The following PARD3B variants were observed in gnomAD, a reference collection of about 807,000 sequenced individuals.
The protein encoded by PARD3B is par-3 family cell polarity regulator beta, also known as partitioning defective 3 homolog B.
PARD3B carries 103 observed loss-of-function variants against 130.2 expected under a neutral mutation model. That is an observed-to-expected ratio of 0.79 (90% CI 0.67 to 0.93). The LOEUF (loss-of-function observed/expected upper bound fraction) is 0.93, where lower values mean the gene tolerates loss of function less well. PARD3B is among the 40% of genes least tolerant of loss of function. The pLI is 0.00. For missense variants in PARD3B, 1,609 were observed against 1,499.2 expected (o/e 1.07, Z -1.21); for synonymous variants, 583 against 553.2 (o/e 1.05, Z -0.76).
At chr2:205,081,926 T>C (rs1306558041) in intron 4 of PARD3B, among the ~76,000 whole-genome samples, 1 of 152,176 alleles carries the variant, frequency 6.6e-6, no homozygotes, top group Non-Finnish European at 1.5e-5. Context: ...CTCTTCTTTA[T>C]TATTTCTGAA....
At chr2:204,831,081 TA>T (rs1340607961) in intron 2 of PARD3B, among the ~76,000 whole-genome samples, 1 of 152,216 alleles carries the variant, frequency 6.6e-6, no homozygotes, top group Non-Finnish European at 1.5e-5. Context: ...CCTATAAAAG[TA>T]ACTAAATTCT....
At chr2:204,774,783 C>T (rs1243108148) in intron 2 of PARD3B, among the ~76,000 whole-genome samples, 1 of 152,082 alleles carries the variant, frequency 6.6e-6, no homozygotes, top group African/African-American at 2.4e-5. Context: ...TAAGAAGTTA[C>T]CCATAGCCGG....
intron 18 of PARD3B, among the ~76,000 whole-genome samples, chr2:205,332,202 C>G (rs1286287036): frequency 6.6e-6 from 1 of 152,152 alleles, no homozygotes; most frequent in East Asian, 1.9e-4. Flanking sequence ...CTTTGCTTGC[C>G]TTTTTAGCTA....
intron 1 of PARD3B, among the ~76,000 whole-genome samples, chr2:204,576,522 G>A (rs2032268666): frequency 6.6e-6 from 1 of 152,108 alleles, no homozygotes; most frequent in Non-Finnish European, 1.5e-5. Context: ...ATGCATGTGT[G>A]TGTGCTCTTT....
At chr2:205,343,177 TG>T (rs1163218072) in intron 18 of PARD3B, among the ~76,000 whole-genome samples, 1 of 152,206 alleles carries the variant, frequency 6.6e-6, no homozygotes, top group African/African-American at 2.4e-5. Context: ...AATGCCCAAG[TG>T]ACTAAGTGGA....
intron 2 of PARD3B, among the ~76,000 whole-genome samples, chr2:204,926,289 T>G (rs1687610335): frequency 6.6e-6 from 1 of 152,136 alleles, no homozygotes; most frequent in Non-Finnish European, 1.5e-5. Context: ...CTCTGTTATC[T>G]CTTGATCTTG....
At chr2:204,779,138 C>G (rs2041745992) in intron 2 of PARD3B, among the ~76,000 whole-genome samples, 1 of 152,128 alleles carries the variant, frequency 6.6e-6, no homozygotes, top group African/African-American at 2.4e-5. Context: ...CTTCTCCTCC[C>G]CCTCAGGTTT....
At position 205,077,098 on chromosome 2, in the gene PARD3B, C is replaced by T. The variant is rs1246445289; in HGVS notation, c.505-27328C>T. 4.6e-5 allele frequency among the ~76,000 whole-genome samples: 7 copies of T among 152,090 alleles called. No individual in the cohort carries two copies. In the East Asian group the frequency reaches 1.2e-3, roughly 25 times the overall value. On this transcript the variant is annotated intron_variant, in intron 4 of 22. Coordinates refer to ENST00000406610, the MANE Select transcript of PARD3B (RefSeq NM_001302769.2). ...AATCACACATCGTTTGCTTCATTAT[C>T]TTTGTCTATATATAGATATAAACAA...
intron 8 of PARD3B, among the ~76,000 whole-genome samples, chr2:205,124,093 A>G (rs1014066705): frequency 6.6e-6 from 1 of 152,238 alleles, no homozygotes; most frequent in East Asian, 1.9e-4. Flanking sequence ...TGAATAAGCC[A>G]AAGTGTTACA....
At chr2:205,114,932 G>C (rs1703922753) in intron 6 of PARD3B, among the ~76,000 whole-genome samples, 1 of 152,094 alleles carries the variant, frequency 6.6e-6, no homozygotes, top group Admixed American at 6.6e-5. Flanking sequence ...GTTTTTGATA[G>C]ATAGGGTGAA....
intron 20 of PARD3B, among the ~76,000 whole-genome samples, chr2:205,456,031 A>G (rs2048262626): frequency 6.6e-6 from 1 of 152,102 alleles, no homozygotes; most frequent in African/African-American, 2.4e-5. Context: ...CCTAAATGGA[A>G]TCACATAAAT....
rs190542128 is a variant in PARD3B at position 205,009,303 on chromosome 2, T to G, written c.395-38278T>G. Among the ~76,000 whole-genome samples, 48 of 152,312 alleles carry G rather than the reference T, an allele frequency of 3.2e-4. No homozygotes were observed. The East Asian group carries it at 9.1e-3, about 29-fold the overall frequency. On this transcript the variant is annotated intron_variant, in intron 3 of 22. Transcript: ENST00000406610. ...GAAAAAATTAATTGATATTGAGTCT[T>G]AGAGTATATTGAGTAGAGAAAAACA...
intron 15 of PARD3B, among the ~76,000 whole-genome samples, chr2:205,211,572 G>A (rs74521456): frequency 1.7e-3 from 254 of 152,212 alleles, no homozygotes; most frequent in African/African-American, 5.9e-3. Context: ...AAGATATCCA[G>A]TAGGACAAAC....
intron 22 of PARD3B, among the ~76,000 whole-genome samples, chr2:205,576,522 G>A (rs1225686505): frequency 6.6e-6 from 1 of 152,120 alleles, no homozygotes; most frequent in Non-Finnish European, 1.5e-5. Context: ...TGGATGTCCA[G>A]TTGTTCCAGC....
intron 18 of PARD3B, among the ~76,000 whole-genome samples, chr2:205,333,974 A>G (rs1362010151): frequency 6.6e-6 from 1 of 152,186 alleles, no homozygotes; most frequent in Non-Finnish European, 1.5e-5. Flanking sequence ...GGAGAGAACC[A>G]AGTTACAGAT....
At chr2:204,843,728 G>A (rs747833771) in intron 2 of PARD3B, among the ~76,000 whole-genome samples, 1 of 152,090 alleles carries the variant, frequency 6.6e-6, no homozygotes, top group Non-Finnish European at 1.5e-5. Flanking sequence ...AGAGAAGCAG[G>A]TGCATCTGAA....
At chr2:205,459,002 T>A (rs749862328) in intron 20 of PARD3B, among the ~76,000 whole-genome samples, 1 of 152,304 alleles carries the variant, frequency 6.6e-6, no homozygotes, top group South Asian at 2.1e-4. Flanking sequence ...GTCTGTGTTG[T>A]TTACGAGTCC....
In PARD3B at chr2:204,945,188, C is replaced by G. The variant is rs533824972; in HGVS notation, c.223-19964C>G. On this transcript the variant is annotated intron_variant, in intron 2 of 22. Transcript: ENST00000406610. ...AGAAGGAGCTTGATAATGGCAAGGC[C>G]ATCGAGCAAGGAGACAGGAAGAATC... 3.9e-5 allele frequency among the ~76,000 whole-genome samples: 6 copies of G among 152,282 alleles called. No homozygotes were observed. The South Asian group carries it at 6.2e-4, about 16-fold the overall frequency.
At chr2:204,560,316 A>C (rs2031226973) in intron 1 of PARD3B, among the ~76,000 whole-genome samples, 1 of 152,198 alleles carries the variant, frequency 6.6e-6, no homozygotes, top group African/African-American at 2.4e-5. Context: ...AGATTTAGAC[A>C]GTGACTTTGG....
Sources: gnomAD v4.1 joint callset for allele counts (sites outside exome capture counted in the v4.1 genomes callset) on GRCh38, gnomAD v4.1.1 for gene constraint, MANE v1.5 for transcripts, NCBI Gene and HGNC (gene_info 2026-07-23, HGNC 2026-07-21) for gene names.